The following SF3B3 variants were observed in gnomAD, a reference collection of about 807,000 sequenced individuals.
SF3B3 encodes splicing factor 3b subunit 3.
In SF3B3, 33 loss-of-function variants were observed where a neutral mutation model predicts 139.2. That is an observed-to-expected ratio of 0.24 (90% CI 0.18 to 0.32). SF3B3 has a LOEUF of 0.32. Ranked by LOEUF, SF3B3 falls within the 10% of genes least tolerant of loss-of-function variation. The pLI, the probability that SF3B3 is intolerant of heterozygous loss-of-function variation, is 1.00. For missense variants in SF3B3, 818 were observed against 1,509.4 expected (o/e 0.54, Z 7.59); for synonymous variants, 596 against 563.6 (o/e 1.06, Z -0.81).
At chr16:70,533,255 T>C (rs1479557150) in intron 5 of SF3B3, among the ~76,000 whole-genome samples, 2 of 152,158 alleles carry the variant, frequency 1.3e-5, no homozygotes, top group Non-Finnish European at 2.9e-5. Context: ...TTTAGGAGGC[T>C]GAGGCAGGAG....
chr16:70,554,322 T>C (rs1416641521), intron 11 of SF3B3, 124 bp from the exon 12 acceptor site: 2 of 841,210 alleles, frequency 2.4e-6, no homozygotes, highest in Non-Finnish European at 3.8e-6. Flanking sequence ...TGTGTGTATG[T>C]GTGTAATAAC....
chr16:70,526,799 G>C, intron 2 of SF3B3, 73 bp downstream of exon 2: 1 of 1,057,226 alleles, frequency 9.5e-7, no homozygotes, highest in Non-Finnish European at 1.5e-6. Context: ...TCTTGTGCAG[G>C]AAATGTTTTC....
chr16:70,563,203 T>G lies in SF3B3; in HGVS notation c.2289-673T>G, dbSNP rs376216954. 1.6e-4 allele frequency among the ~76,000 whole-genome samples: 25 copies of G among 152,270 alleles called. 1 individual carries two copies. Among genetic ancestry groups the G allele is most frequent in the African/African-American group, 4.3e-4 (18 of 41,550 alleles). Reference sequence around the variant, plus strand: ...CAGGCTTGTCTTGAACTCCTAGCCTTAGGTGATCTGCCTGCTTTGGCCTCC... The same window carrying G: ...CAGGCTTGTCTTGAACTCCTAGCCTGAGGTGATCTGCCTGCTTTGGCCTCC... On this transcript the variant is annotated intron_variant, in intron 17 of 25. Coordinates refer to ENST00000302516, the MANE Select transcript of SF3B3 (RefSeq NM_012426.5).
intron 23 of SF3B3, 108 bp downstream of exon 23, chr16:70,569,249 C>A: frequency 1.4e-6 from 1 of 718,780 alleles, no homozygotes; most frequent in Non-Finnish European, 2.3e-6. Flanking sequence ...CACGACTGTG[C>A]TGAGTGCTGT....
chr16:70,541,509 T>G (rs2050218815), intron 8 of SF3B3, among the ~76,000 whole-genome samples, 160 bp from the exon 9 acceptor site: 1 of 152,234 alleles, frequency 6.6e-6, no homozygotes, highest in Non-Finnish European at 1.5e-5. Flanking sequence ...CTGAATTGTT[T>G]TGAAACAAAT....
At chr16:70,532,649 C>A in intron 5 of SF3B3, 29 bp downstream of exon 5, 1 of 1,609,674 alleles carries the variant, frequency 6.2e-7, no homozygotes, top group South Asian at 1.1e-5. Flanking sequence ...TGCTTTGTAC[C>A]CTTTTACTTG....
chr16:70,540,122 C>T (rs975712998), intron 8 of SF3B3, among the ~76,000 whole-genome samples: 23 of 148,634 alleles, frequency 1.5e-4, no homozygotes, highest in Non-Finnish European at 2.7e-4. Context: ...TGGCCAGGCG[C>T]GGTGGCTCAC....
chr16:70,549,470 A>G (rs1320537154), intron 11 of SF3B3, among the ~76,000 whole-genome samples: 1 of 152,172 alleles, frequency 6.6e-6, no homozygotes, highest in Non-Finnish European at 1.5e-5. Flanking sequence ...ATCTACATAG[A>G]AGTTGGTCCG....
At chr16:70,545,644 C>T (rs1054728214) in intron 10 of SF3B3, among the ~76,000 whole-genome samples, 1 of 152,150 alleles carries the variant, frequency 6.6e-6, no homozygotes, top group African/African-American at 2.4e-5. Context: ...GGCCTGCTAC[C>T]TGTTTCTGTA....
At chr16:70,567,279 T>C in intron 20 of SF3B3, 132 bp from the exon 21 acceptor site, 1 of 963,198 alleles carries the variant, frequency 1.0e-6, no homozygotes, top group Non-Finnish European at 1.6e-6. Context: ...CCCAGATTCA[T>C]TAGCAAAATA....
At chr16:70,559,235 CAA>C (rs2050405808) in intron 15 of SF3B3, among the ~76,000 whole-genome samples, 1 of 152,164 alleles carries the variant, frequency 6.6e-6, no homozygotes, top group Non-Finnish European at 1.5e-5. Flanking sequence ...ATTCTAAAGA[CAA>C]AATTCGCATC....
intron 15 of SF3B3, among the ~76,000 whole-genome samples, chr16:70,559,911 T>C (rs1228380063): frequency 1.6e-5 from 2 of 128,734 alleles, no homozygotes; most frequent in African/African-American, 2.9e-5. Context: ...TTCTTTTTTT[T>C]TGAGGGGTGC....
chr16:70,569,968 A>G (rs2050512944), intron 23 of SF3B3, 38 bp from the exon 24 acceptor site: 2 of 1,612,694 alleles, frequency 1.2e-6, no homozygotes. Context: ...GAGGCTCCTG[A>G]GGGTGCACAC....
chr16:70,532,692 CTTAAAGGG>C, intron 5 of SF3B3, 72 bp downstream of exon 5: 2 of 1,456,442 alleles, frequency 1.4e-6, no homozygotes, highest in Non-Finnish European at 1.9e-6. Context: ...ATAGGTTTTA[CTTAAAGGG>C]TTTGGGAATT....
Position 70,556,878 on chromosome 16 carries a change from C to G in SF3B3, c.1867-8C>G. On this transcript the variant is annotated splice_region_variant and splice_polypyrimidine_tract_variant and intron_variant, in intron 14 of 25. Transcript: ENST00000302516. ...TCTGTGTTTTTATGATTTTTCTCTC[C>G]CTCTCAGGACTGTTTGCAACCTCTA... 1.2e-6 allele frequency: 2 copies of G among 1,613,722 alleles called. No homozygotes were observed. The highest frequency in any genetic ancestry group is 2.2e-5 in the East Asian group (1 of 44,868).
At chr16:70,561,468 C>T in intron 16 of SF3B3, 162 bp from the exon 17 acceptor site, 2 of 631,480 alleles carry the variant, frequency 3.2e-6, no homozygotes, top group Non-Finnish European at 2.8e-6. Flanking sequence ...GCCATAGTGC[C>T]TCTCTCTAGC....
At chr16:70,525,361 C>G (rs944382580) in intron 1 of SF3B3, among the ~76,000 whole-genome samples, 4 of 152,100 alleles carry the variant, frequency 2.6e-5, no homozygotes, top group Non-Finnish European at 5.9e-5. Context: ...CTGGACTGAT[C>G]CTCCGAAATG....
intron 21 of SF3B3, 111 bp from the exon 22 acceptor site, chr16:70,568,172 G>A (rs2050494854): frequency 3.8e-6 from 3 of 792,374 alleles, no homozygotes; most frequent in Non-Finnish European, 6.5e-6. Flanking sequence ...GCTGGTTTTT[G>A]GTATTTGCTG....
chr16:70,535,518 TAAAAA>T (rs986875082), intron 6 of SF3B3, 98 bp downstream of exon 6: 37 of 589,884 alleles, frequency 6.3e-5, no homozygotes, highest in Non-Finnish European at 9.9e-5. Context: ...TTTTGTAAAT[TAAAAA>T]AAAAATTCAG....
Sources: gnomAD v4.1 joint callset for allele counts (sites outside exome capture counted in the v4.1 genomes callset) on GRCh38, gnomAD v4.1.1 for gene constraint, MANE v1.5 for transcripts, NCBI Gene and HGNC (gene_info 2026-07-23, HGNC 2026-07-21) for gene names.